Variants in GGACT observed in about 807,000 individuals in gnomAD.
GGACT encodes the protein gamma-glutamylamine cyclotransferase.
For missense variants in GGACT, 241 were observed against 233.2 expected, an observed-to-expected ratio of 1.03 and a Z score of -0.22; for synonymous variants, 118 against 115.3, an observed-to-expected ratio of 1.02 and a Z score of -0.15.
Position 100,532,533 on chromosome 13 carries a change from A to T in GGACT, c.59T>A (p.Leu20Gln), listed in dbSNP as rs1037607080. Residue 20 changes from leucine (L) to glutamine (Q), a missense_variant, in exon 3 of 3, where the codon CTG (leucine) becomes CAG (glutamine). Physicochemically the swap from Leu to Gln is moderately radical, Grantham distance 113. Transcript: ENST00000683975. ...LKRGQPNHRV[L>Q]RDGAHGSAAF... ...TGCGGAGCCGTGGGCGCCGTCCCGC[A>T]GGACCCTGTGGTTGGGCTGACCCCG... 36 of 1,548,042 alleles carry T rather than the reference A, an allele frequency of 2.3e-5. No individual in the cohort carries two copies. The highest frequency in any genetic ancestry group is 5.9e-5 in the Admixed American group (3 of 50,852).
chr13:100,568,977 A>G (rs2153016007), intron 2 of GGACT, among the ~76,000 whole-genome samples: 1 of 152,396 alleles, frequency 6.6e-6, no homozygotes, highest in South Asian at 2.1e-4. Flanking sequence ...CATGTTTCAC[A>G]TCCAGGGCAT....
chr13:100,575,934 T>G (rs1158702669), intron 2 of GGACT, among the ~76,000 whole-genome samples: 1 of 152,202 alleles, frequency 6.6e-6, no homozygotes, highest in Non-Finnish European at 1.5e-5. Flanking sequence ...TTACTACTAC[T>G]AATGGTCAAA....
chr13:100,546,398 G>GTAAGT (rs964565396), intron 2 of GGACT, among the ~76,000 whole-genome samples: 1 of 147,674 alleles, frequency 6.8e-6, no homozygotes, highest in African/African-American at 2.5e-5. Context: ...ATACGCATGT[G>GTAAGT]TAAGTTATGA....
intron 2 of GGACT, among the ~76,000 whole-genome samples, chr13:100,571,878 G>A (rs1196087786): frequency 6.6e-6 from 1 of 152,148 alleles, no homozygotes; most frequent in African/African-American, 2.4e-5. Context: ...GGACTAAATA[G>A]AATATATCAC....
chr13:100,547,711 AT>A (rs1433319675), intron 2 of GGACT, among the ~76,000 whole-genome samples: 1 of 152,216 alleles, frequency 6.6e-6, no homozygotes, highest in African/African-American at 2.4e-5. Flanking sequence ...TTCTGGAGAC[AT>A]TCAATAAAAC....
chr13:100,573,701 G>T (rs1360079250), intron 2 of GGACT, among the ~76,000 whole-genome samples: 1 of 151,664 alleles, frequency 6.6e-6, no homozygotes, highest in Admixed American at 6.6e-5. Context: ...GGATCAACAA[G>T]CAAAAAACAA....
intron 2 of GGACT, among the ~76,000 whole-genome samples, chr13:100,553,977 A>G (rs1429158654): frequency 5.3e-5 from 8 of 152,220 alleles, no homozygotes; most frequent in Non-Finnish European, 1.2e-4. Context: ...CTAAGCCTTA[A>G]AAACAAAGAT....
At chr13:100,536,801 C>T (rs2088498617) in intron 2 of GGACT, 1 of 152,336 alleles carries the variant, frequency 6.6e-6, no homozygotes, top group Non-Finnish European at 1.5e-5. Context: ...CTCACCACCA[C>T]TCAGCTAGGC....
intron 2 of GGACT, among the ~76,000 whole-genome samples, chr13:100,550,352 A>ACACC: frequency 4.2e-5 from 1 of 23,636 alleles, no homozygotes; most frequent in Non-Finnish European, 9.3e-5. Context: ...ACACACACAC[A>ACACC]CACCACTGGC....
chr13:100,532,365 C>T lies in GGACT; in HGVS notation c.227G>A (p.Arg76His). 1 of 1,550,630 alleles carries T rather than the reference C, an allele frequency of 6.4e-7. No homozygotes were observed. Among genetic ancestry groups the T allele is most frequent in the Non-Finnish European group, 8.7e-7 (1 of 1,146,630 alleles). The change falls in exon 3 of 3, where the codon CGC becomes CAC. Residue 76 changes from arginine (R) to histidine (H), a missense_variant. By Grantham distance (29) the Arg-to-His change is conservative. Transcript: ENST00000683975. ...GCAACTCTCGAAGTCATCCAGAAAG[C>T]GCAGCATCCGCTCGTCTACCGCGTA... ...EVYAVDERML[R>H]FLDDFESCPA...
intron 2 of GGACT, among the ~76,000 whole-genome samples, chr13:100,543,001 C>T (rs2088568593): frequency 6.6e-6 from 1 of 151,990 alleles, no homozygotes; most frequent in Admixed American, 6.6e-5. Flanking sequence ...TTTCTTTTTT[C>T]TTAGCCACCT....
At chr13:100,567,063 G>T (rs1329316716) in intron 2 of GGACT, among the ~76,000 whole-genome samples, 1 of 152,140 alleles carries the variant, frequency 6.6e-6, no homozygotes, top group East Asian at 1.9e-4. Flanking sequence ...TCTTGAGCAG[G>T]AATCTTTCCG....
intron 2 of GGACT, among the ~76,000 whole-genome samples, chr13:100,560,751 T>C (rs2088752272): frequency 6.6e-6 from 1 of 152,234 alleles, no homozygotes; most frequent in African/African-American, 2.4e-5. Context: ...TCACATAATC[T>C]AGCTTTGTTT....
chr13:100,546,590 C>T (rs1566531300), intron 2 of GGACT, among the ~76,000 whole-genome samples: 1 of 152,024 alleles, frequency 6.6e-6, no homozygotes, highest in South Asian at 2.1e-4. Context: ...GTGGGGGGAT[C>T]GCTTGAGCCC....
chr13:100,539,189 C>T (rs1373754093), intron 2 of GGACT: 1 of 152,172 alleles, frequency 6.6e-6, no homozygotes, highest in Non-Finnish European at 1.5e-5. Context: ...ACTTGGATGC[C>T]TTTTAAATTT....
intron 2 of GGACT, among the ~76,000 whole-genome samples, chr13:100,561,514 G>A (rs1240973351): frequency 6.7e-6 from 1 of 149,254 alleles, no homozygotes; most frequent in African/African-American, 2.5e-5. Context: ...TCCCACAGAA[G>A]GCTTTCCTGG....
At chr13:100,553,006 C>T (rs1395431869) in intron 2 of GGACT, among the ~76,000 whole-genome samples, 2 of 151,940 alleles carry the variant, frequency 1.3e-5, no homozygotes, top group Admixed American at 6.6e-5. Context: ...GGGAGGGGGA[C>T]CTGAGCAGAG....
intron 2 of GGACT, among the ~76,000 whole-genome samples, chr13:100,550,329 CA>C (rs1409361835): frequency 0.034 from 4,957 of 144,648 alleles, 584 homozygotes; most frequent in South Asian, 0.075. Context: ...CACACACACA[CA>C]CACACACACA....
intron 2 of GGACT, among the ~76,000 whole-genome samples, chr13:100,567,525 C>A (rs1425754230): frequency 6.6e-6 from 1 of 152,210 alleles, no homozygotes; most frequent in Non-Finnish European, 1.5e-5. Context: ...CTCCAAGGAG[C>A]TCTTGTTCTC....
Sources: allele counts gnomAD v4.1 joint callset (sites outside exome capture counted in the v4.1 genomes callset), GRCh38; gene constraint gnomAD v4.1.1; transcripts MANE v1.5; gene names NCBI Gene and HGNC (gene_info 2026-07-23, HGNC 2026-07-21).